The following ANTXR2 variants were observed in gnomAD, a reference collection of about 807,000 sequenced individuals.
The protein encoded by ANTXR2 is anthrax toxin receptor 2.
Under a neutral mutation model 73.7 loss-of-function variants are expected in ANTXR2, and 44 were observed. The ratio of observed to expected loss-of-function variants is 0.60; its 90% CI spans 0.47 to 0.77. The LOEUF (loss-of-function observed/expected upper bound fraction) is 0.77. ANTXR2 is among the 30% of genes least tolerant of loss of function. The pLI is 0.00. For missense variants in ANTXR2, 604 were observed against 592.5 expected (o/e 1.02, Z -0.20); for synonymous variants, 217 against 205.9 (o/e 1.05, Z -0.46).
At chr4:80,015,166 C>CT (rs1332162650) in intron 11 of ANTXR2, among the ~76,000 whole-genome samples, 1 of 152,160 alleles carries the variant, frequency 6.6e-6, no homozygotes, top group African/African-American at 2.4e-5. Context: ...GAAGCTATAG[C>CT]TACAAGTACC....
At chr4:80,063,975 A>G (rs1328058307) in intron 3 of ANTXR2, among the ~76,000 whole-genome samples, 1 of 152,218 alleles carries the variant, frequency 6.6e-6, no homozygotes, top group Non-Finnish European at 1.5e-5. Context: ...CTAGACTTTT[A>G]TAGATACTAC....
chr4:79,978,218 C>G (rs777547038), intron 14 of ANTXR2, 44 bp from the exon 15 acceptor site: 107 of 1,580,160 alleles, frequency 6.8e-5, no homozygotes, highest in Non-Finnish European at 9.1e-5. Context: ...ATAAAGTGTC[C>G]TAGAGGAACA....
intron 14 of ANTXR2, among the ~76,000 whole-genome samples, chr4:79,983,348 TG>T (rs1042905705): frequency 6.8e-4 from 104 of 152,252 alleles, no homozygotes; most frequent in Non-Finnish European, 3.5e-4. Context: ...ATCAACACTT[TG>T]GGCTAGTCTG....
chr4:79,991,481 G>A (rs1276732462), intron 12 of ANTXR2, among the ~76,000 whole-genome samples: 2 of 152,066 alleles, frequency 1.3e-5, no homozygotes, highest in Non-Finnish European at 2.9e-5. Flanking sequence ...GTAGAGAAAG[G>A]AGAATGTTTA....
At chr4:79,913,440 G>A (rs1201464671) in intron 16 of ANTXR2, among the ~76,000 whole-genome samples, 2 of 152,106 alleles carry the variant, frequency 1.3e-5, no homozygotes, top group Admixed American at 6.6e-5. Context: ...GTCTATAAGT[G>A]CATGTCAGCA....
intron 7 of ANTXR2, among the ~76,000 whole-genome samples, chr4:80,044,340 A>T (rs1394505035): frequency 1.3e-5 from 2 of 151,998 alleles, no homozygotes; most frequent in Admixed American, 1.3e-4. Flanking sequence ...TAAAAGACAC[A>T]TGCTATAATA....
chr4:80,025,816 C>T (rs921839925), intron 10 of ANTXR2, among the ~76,000 whole-genome samples: 16 of 152,022 alleles, frequency 1.1e-4, no homozygotes, highest in Non-Finnish European at 1.9e-4. Flanking sequence ...TTATTTTTAG[C>T]ATATCTCAAT....
intron 11 of ANTXR2, among the ~76,000 whole-genome samples, chr4:80,012,364 T>C (rs1037022244): frequency 6.6e-6 from 1 of 151,520 alleles, no homozygotes; most frequent in Admixed American, 6.6e-5. Flanking sequence ...CAGTATTACA[T>C]AAAGCTGAAA....
At chr4:79,955,563 G>C (rs949696166) in intron 16 of ANTXR2, among the ~76,000 whole-genome samples, 1 of 152,088 alleles carries the variant, frequency 6.6e-6, no homozygotes, top group Non-Finnish European at 1.5e-5. Flanking sequence ...CCTCCTCTCT[G>C]AGGGCAATGT....
chr4:79,992,916 C>A (rs1186220171), intron 12 of ANTXR2, among the ~76,000 whole-genome samples: 1 of 151,986 alleles, frequency 6.6e-6, no homozygotes, highest in Non-Finnish European at 1.5e-5. Flanking sequence ...CATTTCCATG[C>A]CCAATACATT....
At chr4:79,920,931 T>C (rs1366699942) in intron 16 of ANTXR2, among the ~76,000 whole-genome samples, 1 of 152,054 alleles carries the variant, frequency 6.6e-6, no homozygotes, top group African/African-American at 2.4e-5. Context: ...AACTACAATC[T>C]TCATGTCAAA....
chr4:80,023,447 T>C (rs1262771326), intron 10 of ANTXR2, among the ~76,000 whole-genome samples: 2 of 152,230 alleles, frequency 1.3e-5, no homozygotes, highest in Non-Finnish European at 1.5e-5. Context: ...GTAGCAATGA[T>C]AATTGGGCTG....
chr4:79,921,584 T>C (rs1190014076), intron 16 of ANTXR2, among the ~76,000 whole-genome samples: 1 of 152,116 alleles, frequency 6.6e-6, no homozygotes, highest in Non-Finnish European at 1.5e-5. Flanking sequence ...TCTGAATTGA[T>C]GTTTTATGGA....
rs146880917 is a variant in ANTXR2, at chr4:79,980,519, T to C, written c.1180-2345A>G. On this transcript the variant is annotated intron_variant, in intron 14 of 16. Transcript: ENST00000403729. ...AAGTGTAAGCTTGATAGCTAAATTC[T>C]TCCAACTCCACTTGGCTTTCATTAT... Among the ~76,000 whole-genome samples, 37 of 152,324 alleles carry C rather than the reference T, an allele frequency of 2.4e-4. 1 individual carries two copies. The highest frequency in any genetic ancestry group is 8.4e-4 in the African/African-American group (35 of 41,580).
intron 16 of ANTXR2, among the ~76,000 whole-genome samples, chr4:79,916,507 T>A (rs959451401): frequency 6.6e-6 from 1 of 152,096 alleles, no homozygotes; most frequent in African/African-American, 2.4e-5. Flanking sequence ...TAATCTCAAT[T>A]AGAATACAGA....
chr4:79,935,959 T>C (rs1355339754), intron 16 of ANTXR2, among the ~76,000 whole-genome samples: 2 of 152,176 alleles, frequency 1.3e-5, no homozygotes, highest in African/African-American at 4.8e-5. Flanking sequence ...CCGCTCCCAG[T>C]GGAATCTCTC....
rs1390715750 is a variant in ANTXR2, at chr4:79,929,405, C to A, written c.1429-21938G>T. Among the ~76,000 whole-genome samples, 3 of 152,018 alleles carry A rather than the reference C, an allele frequency of 2.0e-5. No individual in the cohort carries two copies. The South Asian group carries it at 6.2e-4, about 32-fold the overall frequency. ...GCAGATGCCTGTAATCCCAGCTACT[C>A]TGGAGGCTGAGGCAGAGAATTGCTT... On this transcript the variant is annotated intron_variant, in intron 16 of 16. Coordinates refer to ENST00000403729, the MANE Select transcript of ANTXR2 (RefSeq NM_058172.6).
chr4:79,977,889 C>T (rs906036830), intron 15 of ANTXR2, 118 bp downstream of exon 15: 11 of 1,287,936 alleles, frequency 8.5e-6, no homozygotes, highest in African/African-American at 1.5e-5. Context: ...TAAGAGTGTA[C>T]AATGAATATC....
chr4:80,057,312 C>T (rs116315687), intron 3 of ANTXR2, among the ~76,000 whole-genome samples: 377 of 151,976 alleles, frequency 2.5e-3, no homozygotes, highest in African/African-American at 8.6e-3. Context: ...ATATCACATG[C>T]GGTTATAAAA....
Sources: allele counts gnomAD v4.1 joint callset (sites outside exome capture counted in the v4.1 genomes callset), GRCh38; gene constraint gnomAD v4.1.1; transcripts MANE v1.5; gene names NCBI Gene and HGNC (gene_info 2026-07-23, HGNC 2026-07-21).